Variants in PCDH11X observed in about 807,000 individuals in gnomAD.
PCDH11X encodes the protein protocadherin-11 X-linked.
Under a neutral mutation model 53.3 loss-of-function variants are expected in PCDH11X, and 18 were observed. That is an observed-to-expected ratio of 0.34 (90% CI 0.23 to 0.50). The LOEUF (loss-of-function observed/expected upper bound fraction) is 0.50. Ranked by LOEUF, PCDH11X falls within the 20% of genes least tolerant of loss-of-function variation. The probability of loss-of-function intolerance (pLI) is 0.98; values close to 1 mark genes in which losing one functional copy is unlikely to be tolerated. For missense variants in PCDH11X, 570 were observed against 1,032.4 expected, an observed-to-expected ratio of 0.55 and a Z score of 6.14; for synonymous variants, 279 against 393.3, an observed-to-expected ratio of 0.71 and a Z score of 3.44.
chrX:91,904,234 A>C (rs1941066975), intron 6 of PCDH11X, among the ~76,000 whole-genome samples: 1 of 111,148 alleles, frequency 9.0e-6, no homozygotes. Context: ...TGGCAAAATT[A>C]CTTTTAAAAA....
At chrX:92,545,106 A>C (rs747210945) in intron 10 of PCDH11X, among the ~76,000 whole-genome samples, 1 of 111,591 alleles carries the variant, frequency 9.0e-6, no homozygotes, top group African/African-American at 3.3e-5. Flanking sequence ...CCTGGAATAA[A>C]AAGGCCATTA....
chrX:91,914,211 G>A (rs910308373), intron 6 of PCDH11X, among the ~76,000 whole-genome samples: 31 of 110,647 alleles, frequency 2.8e-4, no homozygotes, highest in Middle Eastern at 4.8e-3. Flanking sequence ...GGGAGAGCAC[G>A]ACATCAAGGA....
chrX:92,089,332 T>C (rs1422687744), intron 6 of PCDH11X, among the ~76,000 whole-genome samples: 1 of 111,347 alleles, frequency 9.0e-6, no homozygotes, highest in Non-Finnish European at 1.9e-5. Context: ...TCTGTGTAGA[T>C]GTTAAATCAT....
chrX:91,902,951 T>G (rs754839488), intron 6 of PCDH11X, among the ~76,000 whole-genome samples: 1 of 111,157 alleles, frequency 9.0e-6, no homozygotes, highest in African/African-American at 3.3e-5. Context: ...ATGTACTACA[T>G]GCAAGGTATG....
At chrX:92,603,679 A>G (rs1272421324) in intron 10 of PCDH11X, among the ~76,000 whole-genome samples, 1 of 102,568 alleles carries the variant, frequency 9.7e-6, no homozygotes, top group Non-Finnish European at 2.0e-5. Flanking sequence ...TATTGGTCAG[A>G]AATGAAAGTG....
At chrX:92,467,764 A>C (rs954239438) in intron 9 of PCDH11X, among the ~76,000 whole-genome samples, 5 of 111,596 alleles carry the variant, frequency 4.5e-5, no homozygotes, top group Admixed American at 9.6e-5. Flanking sequence ...AAAGTTTCTT[A>C]AACCATGATA....
intron 10 of PCDH11X, among the ~76,000 whole-genome samples, chrX:92,517,577 A>G (rs1258995429): frequency 8.9e-6 from 1 of 111,746 alleles, no homozygotes; most frequent in Non-Finnish European, 1.9e-5. Context: ...AGCCAACTGT[A>G]TAAAAAGGAC....
intron 1 of PCDH11X, among the ~76,000 whole-genome samples, chrX:91,794,519 G>GA (rs1935667929): frequency 9.0e-6 from 1 of 111,496 alleles, no homozygotes; most frequent in Non-Finnish European, 1.9e-5. Flanking sequence ...TTTCTTTGCA[G>GA]AAAAAAATAC....
At position 91,879,030 on chromosome X, in the gene PCDH11X, C is replaced by T. The variant is rs1939765736; in HGVS notation, c.2790C>T (p.Pro930=). 2.5e-6 allele frequency: 3 copies of T among 1,211,143 alleles called. No individual in the cohort carries two copies. Among genetic ancestry groups the T allele is most frequent in the Middle Eastern group, 2.3e-4 (1 of 4,349 alleles). Residue 930 remains proline, a synonymous_variant, in exon 6 of 11, where the codon CCC becomes CCT. Coordinates refer to ENST00000682573, the MANE Select transcript of PCDH11X (RefSeq NM_032968.5). ...NWVTTPTTFK[P]DSPDLARHYK... Reference sequence around the variant, plus strand: ...TAACTACACCTACTACTTTCAAGCCCGACAGCCCTGATTTGGCCCGACACT... The same window carrying T: ...TAACTACACCTACTACTTTCAAGCCTGACAGCCCTGATTTGGCCCGACACT...
chrX:92,381,660 C>A (rs1198608908), intron 8 of PCDH11X, among the ~76,000 whole-genome samples: 1 of 111,651 alleles, frequency 9.0e-6, no homozygotes, highest in East Asian at 2.8e-4. Context: ...ATTATTCCAA[C>A]ATCTAATCCA....
rs1174298100 is a variant in PCDH11X at position 92,497,556 on chromosome X, T to C, written c.3367+29234T>C. On this transcript the variant is annotated intron_variant, in intron 10 of 10. Transcript: ENST00000682573. ...TGTTTGTTGAATTGAAATTAACTTT[T>C]AAAGTACAGAGTATAAGATAAATGT... is the stretch of plus-strand genomic sequence containing the variant. Among the ~76,000 whole-genome samples the C allele has an allele frequency of 2.7e-5, 3 of 110,640 alleles. No individual in the cohort carries two copies. The East Asian group carries it at 8.5e-4, about 31-fold the overall frequency.
At chrX:92,481,442 A>G (rs2073504042) in intron 10 of PCDH11X, among the ~76,000 whole-genome samples, 1 of 111,075 alleles carries the variant, frequency 9.0e-6, no homozygotes, top group Non-Finnish European at 1.9e-5. Context: ...GGAGGGTGTG[A>G]GCTAGTGCAT....
At chrX:92,364,093 T>A (rs751707022) in intron 8 of PCDH11X, among the ~76,000 whole-genome samples, 1 of 111,783 alleles carries the variant, frequency 8.9e-6, no homozygotes, top group East Asian at 2.8e-4. Context: ...TCATTAGAGA[T>A]ATTGATGTGT....
intron 10 of PCDH11X, among the ~76,000 whole-genome samples, chrX:92,544,488 A>G (rs761328026): frequency 1.8e-4 from 20 of 109,892 alleles, no homozygotes; most frequent in South Asian, 4.0e-4. Context: ...AGATGTAGTT[A>G]GCCATTGAGG....
intron 8 of PCDH11X, among the ~76,000 whole-genome samples, chrX:92,335,948 G>T (rs1342731355): frequency 9.0e-6 from 1 of 110,885 alleles, no homozygotes; most frequent in African/African-American, 3.3e-5. Context: ...TTATGCCGTT[G>T]GTGGTCATAG....
intron 7 of PCDH11X, among the ~76,000 whole-genome samples, chrX:92,233,371 C>T (rs2067117243): frequency 9.0e-6 from 1 of 111,229 alleles, no homozygotes; most frequent in Admixed American, 9.6e-5. Context: ...AACAATATGA[C>T]ATAGGCCTAA....
chrX:92,132,437 G>A (rs1217856433), intron 6 of PCDH11X, among the ~76,000 whole-genome samples: 2 of 97,476 alleles, frequency 2.1e-5, no homozygotes, highest in Non-Finnish European at 4.0e-5. Context: ...GTGAAACCTC[G>A]TCTCTACTAA....
chrX:92,245,803 C>T lies in PCDH11X; in HGVS notation c.3115-17311C>T, dbSNP rs1330362010. 1.8e-5 allele frequency among the ~76,000 whole-genome samples: 2 copies of T among 111,576 alleles called. 1 individual carries two copies. Among genetic ancestry groups the T allele is most frequent in the Admixed American group, 1.9e-4 (2 of 10,502 alleles). Reference sequence around the variant, plus strand: ...TTACATATGATGCACCTTGATTAACCATGGGGAAAGTGAGTAGAGACCTAA... The same window carrying T: ...TTACATATGATGCACCTTGATTAACTATGGGGAAAGTGAGTAGAGACCTAA... On this transcript the variant is annotated intron_variant, in intron 7 of 10. Transcript: ENST00000682573.
intron 10 of PCDH11X, among the ~76,000 whole-genome samples, chrX:92,479,228 C>T (rs2073452319): frequency 9.4e-6 from 1 of 106,170 alleles, no homozygotes; most frequent in Admixed American, 1.0e-4. Context: ...TTTTCTATTC[C>T]TTTATTTTGA....
Sources: allele counts gnomAD v4.1 joint callset (sites outside exome capture counted in the v4.1 genomes callset), GRCh38; gene constraint gnomAD v4.1.1; transcripts MANE v1.5; gene names NCBI Gene and HGNC (gene_info 2026-07-23, HGNC 2026-07-21).